The following IQSEC1 variants were observed in gnomAD, a reference collection of about 807,000 sequenced individuals.
The protein encoded by IQSEC1 is IQ motif and SEC7 domain-containing protein 1.
IQSEC1 carries 31 observed loss-of-function variants against 91.0 expected under a neutral mutation model. The ratio of observed to expected loss-of-function variants is 0.34; its 90% CI spans 0.26 to 0.46. The LOEUF (loss-of-function observed/expected upper bound fraction) is 0.46, where lower values mean the gene tolerates loss of function less well. Ranked by LOEUF, IQSEC1 falls within the 20% of genes least tolerant of loss-of-function variation. The pLI, the probability that IQSEC1 is intolerant of heterozygous loss-of-function variation, is 1.00. For synonymous variants in IQSEC1, 699 were observed against 662.6 expected (o/e 1.05, Z -0.84); for missense variants, 1,388 against 1,575.6 (o/e 0.88, Z 2.02).
intron 1 of IQSEC1, among the ~76,000 whole-genome samples, chr3:12,952,970 G>A (rs1159354802): frequency 2.0e-5 from 3 of 152,234 alleles, no homozygotes; most frequent in South Asian, 2.1e-4. Context: ...GGTCGGGCTC[G>A]TGGGTGGGCA....
chr3:13,229,763 C>G (rs1343070747), intron 1 of IQSEC1, among the ~76,000 whole-genome samples: 2 of 152,228 alleles, frequency 1.3e-5, no homozygotes, highest in Non-Finnish European at 2.9e-5. Flanking sequence ...CATCCAGGAG[C>G]TAAGCTCCTC....
At chr3:13,028,414 C>T (rs1364472701) in intron 1 of IQSEC1, among the ~76,000 whole-genome samples, 1 of 152,208 alleles carries the variant, frequency 6.6e-6, no homozygotes, top group Non-Finnish European at 1.5e-5. Context: ...GACAATTGCA[C>T]AGTCTTATCG....
intron 1 of IQSEC1, among the ~76,000 whole-genome samples, chr3:13,270,401 C>T (rs960878052): frequency 1.3e-5 from 2 of 152,152 alleles, no homozygotes; most frequent in Non-Finnish European, 2.9e-5. Flanking sequence ...ATAGCAGAGA[C>T]AAATAATTCA....
In IQSEC1 at chr3:12,901,151, G is replaced by C; in HGVS notation, c.3177C>G (p.His1059Gln). ...PQHIQHAHQY[H>Q]HGPHGGHPAY... ...CTGGGTGGCCCCCATGGGGGCCGTG[G>C]TGGTACTGGTGTGCGTGCTGGATGT... Residue 1059 changes from histidine to glutamine, a missense_variant, in exon 14 of 14, where the codon CAC becomes CAG. Physicochemically the swap from His to Gln is conservative, Grantham distance 24. Around this residue, in one of 2 missense-constraint regions of IQSEC1, gnomAD observed 329 missense variants for 257.8 expected, o/e 1.28. Transcript: ENST00000613206. 1 of 1,543,832 alleles carries C rather than the reference G, an allele frequency of 6.5e-7. No individual in the cohort carries two copies. Among genetic ancestry groups the C allele is most frequent in the African/African-American group, 1.4e-5 (1 of 73,110 alleles).
intron 1 of IQSEC1, among the ~76,000 whole-genome samples, chr3:12,953,352 G>A (rs557385738): frequency 2.1e-4 from 32 of 152,370 alleles, no homozygotes; most frequent in African/African-American, 7.2e-4. Context: ...AGCCTGGGCG[G>A]AGACCGGCCT....
chr3:13,262,479 C>T (rs1342915835), intron 1 of IQSEC1, among the ~76,000 whole-genome samples: 1 of 152,168 alleles, frequency 6.6e-6, no homozygotes, highest in East Asian at 1.9e-4. Flanking sequence ...TAACACCTGC[C>T]TTGAGGGTTA....
intron 1 of IQSEC1, among the ~76,000 whole-genome samples, chr3:13,054,020 C>G (rs1236562306): frequency 1.3e-5 from 2 of 152,184 alleles, no homozygotes; most frequent in Non-Finnish European, 2.9e-5. Flanking sequence ...ACACTTTCCC[C>G]CACTTCGCAC....
intron 1 of IQSEC1, among the ~76,000 whole-genome samples, chr3:13,006,377 G>A (rs958338117): frequency 3.9e-5 from 6 of 152,194 alleles, no homozygotes; most frequent in Non-Finnish European, 7.3e-5. Flanking sequence ...TGAGAGGCTT[G>A]TCTGCCATTG....
At chr3:12,982,171 G>A (rs907744472) in intron 1 of IQSEC1, among the ~76,000 whole-genome samples, 2 of 151,998 alleles carry the variant, frequency 1.3e-5, no homozygotes, top group South Asian at 2.1e-4. Flanking sequence ...TCTCTTTTGC[G>A]CCCCATATTG....
At chr3:13,112,586 G>GA (rs543349256) in intron 2 of IQSEC1, among the ~76,000 whole-genome samples, 51 of 146,874 alleles carry the variant, frequency 3.5e-4, no homozygotes, top group African/African-American at 1.2e-3. Flanking sequence ...ACTGCGTGCT[G>GA]GCCCCCAGGC....
chr3:13,273,481 G>A (rs531014549), intron 1 of IQSEC1, among the ~76,000 whole-genome samples: 3 of 152,172 alleles, frequency 2.0e-5, no homozygotes, highest in South Asian at 2.1e-4. Flanking sequence ...AGATGGGCAC[G>A]GCCCCTCCCA....
chr3:13,279,435 T>C (rs1695749071), intron 1 of IQSEC1, among the ~76,000 whole-genome samples: 1 of 152,206 alleles, frequency 6.6e-6, no homozygotes, highest in South Asian at 2.1e-4. Context: ...CATGATGGTA[T>C]TTTTCAGGGG....
intron 3 of IQSEC1, among the ~76,000 whole-genome samples, chr3:12,926,601 G>C (rs2125229342): frequency 6.6e-6 from 1 of 152,348 alleles, no homozygotes; most frequent in Non-Finnish European, 1.5e-5. Flanking sequence ...TAGAACCTGT[G>C]CTAGGGTGTA....
At chr3:12,914,866 T>C (rs2125119797) in intron 8 of IQSEC1, among the ~76,000 whole-genome samples, 1 of 152,036 alleles carries the variant, frequency 6.6e-6, no homozygotes, top group East Asian at 1.9e-4. Flanking sequence ...GTCTGGGGGC[T>C]GGGCTCAACA....
At chr3:13,105,288 C>CA (rs1214147535) in intron 2 of IQSEC1, among the ~76,000 whole-genome samples, 2 of 152,142 alleles carry the variant, frequency 1.3e-5, no homozygotes, top group East Asian at 3.9e-4. Flanking sequence ...ACTTCACACC[C>CA]ATCTGGTCTC....
chr3:13,137,345 C>T (rs540346034), intron 2 of IQSEC1, among the ~76,000 whole-genome samples: 93 of 152,268 alleles, frequency 6.1e-4, no homozygotes, highest in Middle Eastern at 6.8e-3. Flanking sequence ...TTTATTTTCA[C>T]ATCAGCGAAA....
intron 12 of IQSEC1, among the ~76,000 whole-genome samples, chr3:12,905,517 C>T (rs1168902946): frequency 6.6e-6 from 1 of 152,284 alleles, no homozygotes; most frequent in African/African-American, 2.4e-5. Flanking sequence ...GAAACGGGCC[C>T]ACAGGGTCTG....
intron 1 of IQSEC1, among the ~76,000 whole-genome samples, chr3:13,016,486 T>C (rs894846584): frequency 1.3e-5 from 2 of 152,184 alleles, no homozygotes; most frequent in African/African-American, 4.8e-5. Context: ...TACCCAGCCG[T>C]GGCTCTCCCG....
In IQSEC1 at chr3:12,899,848, T is replaced by G; in HGVS notation, c.*1135A>C. The G allele has an allele frequency of 2.0e-6, 2 of 985,090 alleles. No individual in the cohort carries two copies. The highest frequency in any genetic ancestry group is 2.4e-6 in the Non-Finnish European group (2 of 829,868). The allele number at this position is 985,090 out of a possible 1,614,324, so 61.0% of individuals were successfully genotyped here. A position where few individuals can be genotyped will look rare whatever the true frequency, so the allele number is the denominator to read the frequency against. ...AGGCGGGATGAGGACGTTATGGTGT[T>G]GGGGAGACGAGGATGAGAGCTGGTC... is the stretch of plus-strand genomic sequence containing the variant. On this transcript the variant is annotated 3_prime_UTR_variant, in exon 14 of 14. Transcript: ENST00000613206.
Sources: gnomAD v4.1 joint callset for allele counts (sites outside exome capture counted in the v4.1 genomes callset) on GRCh38, gnomAD v4.1.1 for gene constraint, gnomAD v4.1.1 regional missense constraint, MANE v1.5 for transcripts, NCBI Gene and HGNC (gene_info 2026-07-23, HGNC 2026-07-21) for gene names.